Variants in CCDC85C observed in about 807,000 individuals in gnomAD.
The protein encoded by CCDC85C is coiled-coil domain-containing protein 85C.
In CCDC85C, 18 loss-of-function variants were observed where a neutral mutation model predicts 38.3. The ratio of observed to expected loss-of-function variants is 0.47; its 90% CI spans 0.33 to 0.70. The LOEUF (loss-of-function observed/expected upper bound fraction) is 0.70, where lower values mean the gene tolerates loss of function less well. CCDC85C is among the 30% of genes least tolerant of loss of function. The probability of loss-of-function intolerance (pLI) is 0.03; values close to 1 mark genes in which losing one functional copy is unlikely to be tolerated. For missense variants in CCDC85C, 566 were observed against 621.2 expected (o/e 0.91, Z 0.94); for synonymous variants, 264 against 293.8 (o/e 0.90, Z 1.04).
At chr14:99,515,482 G>A (rs1367836132) in intron 5 of CCDC85C, 147 bp from the exon 6 acceptor site, 1 of 623,170 alleles carries the variant, frequency 1.6e-6, no homozygotes, top group African/African-American at 1.8e-5. Flanking sequence ...CAGGCCCAGA[G>A]ACACCCACAC....
At position 99,558,829 on chromosome 14, in the gene CCDC85C, C is replaced by A. The variant is rs1374267961; in HGVS notation, c.794-22741G>T. ...GTTTGAATCTGGGTCCTCACCCAAT[C>A]TCATGTTGAATGTATCCCCAGTGCT... is the stretch of plus-strand genomic sequence containing the variant. On this transcript the variant is annotated intron_variant, in intron 1 of 5. Coordinates refer to ENST00000380243, the MANE Select transcript of CCDC85C (RefSeq NM_001144995.2). The surrounding 1 kb of genome is among the most constrained non-coding windows in gnomAD (Gnocchi z 4.2). Among the ~76,000 whole-genome samples, 1 of 152,162 alleles carries A rather than the reference C, an allele frequency of 6.6e-6. No homozygotes were observed. The highest frequency in any genetic ancestry group is 1.9e-4 in the East Asian group (1 of 5,176).
intron 1 of CCDC85C, among the ~76,000 whole-genome samples, chr14:99,598,569 G>A (rs1471255506): frequency 6.6e-6 from 1 of 152,230 alleles, no homozygotes; most frequent in Admixed American, 6.5e-5. Flanking sequence ...CAGGGAGACA[G>A]GAATGAGGCC....
At chr14:99,526,939 C>T (rs1435253416) in intron 2 of CCDC85C, among the ~76,000 whole-genome samples, 2 of 148,838 alleles carry the variant, frequency 1.3e-5, no homozygotes, top group Non-Finnish European at 3.0e-5. Context: ...GCTCCACTGT[C>T]CGGCCCCAAA....
rs1305260532 is a variant in CCDC85C at position 99,604,066 on chromosome 14, C to T, written c.-107G>A. 3.1e-6 allele frequency: 3 copies of T among 968,386 alleles called. No individual in the cohort carries two copies. Among genetic ancestry groups the T allele is most frequent in the Non-Finnish European group, 3.7e-6 (3 of 819,708 alleles). 60.0% of individuals were successfully genotyped at this position (968,386 alleles called of 1,614,324 possible). A position where few individuals can be genotyped will look rare whatever the true frequency, so the allele number is the denominator to read the frequency against. ...CGCGCGGGCGGGGGGCGGCCGGGGG[C>T]GCGTGCGGCCCGCCCCGCGCCGCCT... On this transcript the variant is annotated 5_prime_UTR_variant, in exon 1 of 6. Coordinates refer to ENST00000380243, the MANE Select transcript of CCDC85C (RefSeq NM_001144995.2).
rs141181052 is a variant in CCDC85C, at chr14:99,514,808, G to A, written c.*438C>T. 3.5e-3 allele frequency: 548 copies of A among 157,776 alleles called. 2 individuals carry two copies. The highest frequency in any genetic ancestry group is 4.8e-3 in the Non-Finnish European group (343 of 70,956). 9.8% of individuals were successfully genotyped at this position (157,776 alleles called of 1,614,324 possible). A position where few individuals can be genotyped will look rare whatever the true frequency, so the allele number is the denominator to read the frequency against. On this transcript the variant is annotated 3_prime_UTR_variant, in exon 6 of 6. Transcript: ENST00000380243. ...TTGGGCAAGAAGTGGTGCCACCTGC[G>A]TCAAGACCCAGGTAGTGGTGGTCTC...
At chr14:99,564,254 C>T (rs1898173175) in intron 1 of CCDC85C, among the ~76,000 whole-genome samples, 1 of 152,238 alleles carries the variant, frequency 6.6e-6, no homozygotes, top group African/African-American at 2.4e-5. Flanking sequence ...TGCGTCCTTG[C>T]TGCTCTCTGG....
intron 2 of CCDC85C, among the ~76,000 whole-genome samples, chr14:99,531,365 C>T (rs912435787): frequency 6.6e-6 from 1 of 152,096 alleles, no homozygotes; most frequent in African/African-American, 2.4e-5. Flanking sequence ...ATTACAGCCG[C>T]CCCCAGCCCA....
Position 99,548,139 on chromosome 14 carries a change from C to A in CCDC85C, c.794-12051G>T, listed in dbSNP as rs1469969277. Among the ~76,000 whole-genome samples, 4 of 152,054 alleles carry A rather than the reference C, an allele frequency of 2.6e-5. No individual in the cohort carries two copies. Among genetic ancestry groups the A allele is most frequent in the Non-Finnish European group, 5.9e-5 (4 of 68,012 alleles). ...GAGTGGCTAGGTGAGCAGAGTTGGA[C>A]AACAAGCTGCCATCTGGGAGGAGCC... On this transcript the variant is annotated intron_variant, in intron 1 of 5. Coordinates refer to ENST00000380243, the MANE Select transcript of CCDC85C (RefSeq NM_001144995.2). This position sits in a 1 kb window ranked among gnomAD's most constrained non-coding sequence, Gnocchi z 4.9.
At chr14:99,531,274 T>C (rs2139912102) in intron 2 of CCDC85C, among the ~76,000 whole-genome samples, 1 of 152,280 alleles carries the variant, frequency 6.6e-6, no homozygotes, top group Middle Eastern at 3.4e-3. Context: ...CCTGCTCTTT[T>C]GTAAAGCTGG....
chr14:99,566,946 C>T (rs933502958), intron 1 of CCDC85C, among the ~76,000 whole-genome samples: 10 of 152,160 alleles, frequency 6.6e-5, no homozygotes, highest in African/African-American at 2.4e-4. Context: ...GGTGAGCATG[C>T]TAGCATAACA....
intron 3 of CCDC85C, 79 bp from the exon 4 acceptor site, chr14:99,517,262 A>G (rs931615349): frequency 1.8e-6 from 2 of 1,122,174 alleles, no homozygotes; most frequent in South Asian, 1.6e-5. Context: ...CAAGGCCCCC[A>G]TTCTGAGGGG....
chr14:99,587,593 C>T (rs940378987), intron 1 of CCDC85C, among the ~76,000 whole-genome samples: 6 of 152,220 alleles, frequency 3.9e-5, no homozygotes, highest in Non-Finnish European at 7.3e-5. Context: ...GTCACTCACC[C>T]GCTTCTGGGC....
intron 1 of CCDC85C, among the ~76,000 whole-genome samples, chr14:99,601,071 A>G (rs1012430001): frequency 1.3e-5 from 2 of 152,258 alleles, no homozygotes; most frequent in Non-Finnish European, 2.9e-5. Flanking sequence ...TTCTAAGAGA[A>G]GGGCCTTTCC....
chr14:99,556,764 C>T (rs1459111155), intron 1 of CCDC85C, among the ~76,000 whole-genome samples: 1 of 152,154 alleles, frequency 6.6e-6, no homozygotes, highest in African/African-American at 2.4e-5. Flanking sequence ...TGGGTTCAAG[C>T]AATCCGCCTG....
chr14:99,519,948 TG>T (rs1566759570), intron 3 of CCDC85C, among the ~76,000 whole-genome samples: 1 of 152,184 alleles, frequency 6.6e-6, no homozygotes, highest in Non-Finnish European at 1.5e-5. Context: ...GGTGTCTTTC[TG>T]GGGTGATGAA....
At position 99,548,070 on chromosome 14, in the gene CCDC85C, C is replaced by T. The variant is rs193084781; in HGVS notation, c.794-11982G>A. On this transcript the variant is annotated intron_variant, in intron 1 of 5. Transcript: ENST00000380243. The surrounding 1 kb of genome is among the most constrained non-coding windows in gnomAD (Gnocchi z 4.9). Reference sequence around the variant, plus strand: ...CAAAAAGAACAAACCATGAAGGGAACGACCGTGAAACCCGACTATATGAGG... The same window carrying T: ...CAAAAAGAACAAACCATGAAGGGAATGACCGTGAAACCCGACTATATGAGG... Among the ~76,000 whole-genome samples, 11 of 152,168 alleles carry T rather than the reference C, an allele frequency of 7.2e-5. No individual in the cohort carries two copies. The highest frequency in any genetic ancestry group is 7.4e-5 in the Non-Finnish European group (5 of 67,998).
chr14:99,538,274 T>TA (rs1897644802), intron 1 of CCDC85C, among the ~76,000 whole-genome samples: 1 of 152,190 alleles, frequency 6.6e-6, no homozygotes, highest in Non-Finnish European at 1.5e-5. Flanking sequence ...GGTCAGTCTT[T>TA]AGGACCCAGT....
At chr14:99,557,533 G>A (rs1898035096) in intron 1 of CCDC85C, among the ~76,000 whole-genome samples, 1 of 152,202 alleles carries the variant, frequency 6.6e-6, no homozygotes. Flanking sequence ...CAAGGCAAAG[G>A]CTGCATCTGG....
At position 99,544,489 on chromosome 14, in the gene CCDC85C, G is replaced by GAT. The variant is rs1897769988; in HGVS notation, c.794-8402_794-8401insAT. Among the ~76,000 whole-genome samples, 2 of 147,920 alleles carry GAT rather than the reference G, an allele frequency of 1.4e-5. No homozygotes were observed. The highest frequency in any genetic ancestry group is 5.0e-5 in the African/African-American group (2 of 40,368). On this transcript the variant is annotated intron_variant, in intron 1 of 5. Transcript: ENST00000380243. The surrounding 1 kb of genome is among the most constrained non-coding windows in gnomAD (Gnocchi z 5.3). ...ATAAAAACAGGGCTAAAATTTGAAG[G>GAT]GTGTGTGTGTGTGTGTGTGTGTGTG...
Sources: allele counts gnomAD v4.1 joint callset (sites outside exome capture counted in the v4.1 genomes callset), GRCh38; gene constraint gnomAD v4.1.1; non-coding constraint Gnocchi (gnomAD v3.1); transcripts MANE v1.5; gene names NCBI Gene and HGNC (gene_info 2026-07-23, HGNC 2026-07-21).